NOC3L: variants seen among roughly 807,000 people sequenced by gnomAD.
The protein encoded by NOC3L is nucleolar complex protein 3 homolog.
In NOC3L, 85 loss-of-function variants were observed where a neutral mutation model predicts 102.5. That is an observed-to-expected ratio of 0.83 (90% CI 0.70 to 0.99). The LOEUF is 0.99. Ranked by LOEUF, NOC3L falls within the 50% of genes least tolerant of loss-of-function variation. The pLI is 0.00. For synonymous variants in NOC3L, 303 were observed against 309.4 expected, an observed-to-expected ratio of 0.98 and a Z score of 0.22; for missense variants, 878 against 914.9, an observed-to-expected ratio of 0.96 and a Z score of 0.52.
chr10:94,338,081 A>C (rs1033366497), intron 18 of NOC3L, among the ~76,000 whole-genome samples: 3 of 152,252 alleles, frequency 2.0e-5, no homozygotes, highest in Non-Finnish European at 4.4e-5. Flanking sequence ...GTTACCAGTG[A>C]AGTAGTTTAG....
At chr10:94,331,587 A>C (rs1159022073), downstream of NOC3L, 1 of 152,128 alleles carries the variant, frequency 6.6e-6, no homozygotes, top group Non-Finnish European at 1.5e-5. Flanking sequence ...AAAGTCTCTG[A>C]CCCCTTTTCA....
At chr10:94,324,963 A>T in the NOC3L span, 1 of 1,614,174 alleles carries the variant, frequency 6.2e-7, no homozygotes, top group Non-Finnish European at 8.5e-7. Context: ...AGTCAACTAA[A>T]CAGCCCCGAG....
intron 4 of NOC3L, 55 bp downstream of exon 4, chr10:94,357,119 T>C (rs2054495714): frequency 9.5e-6 from 12 of 1,257,870 alleles, no homozygotes; most frequent in Non-Finnish European, 1.3e-5. Context: ...AAAAAAAACA[T>C]GATATCAGTA....
Position 94,349,278 on chromosome 10 carries a change from T to G in NOC3L, c.1229A>C (p.Lys410Thr). ...GVIKVISGFV[K>T]GRNYEVRPEM... is the part of the protein sequence containing the mutation. ...TGGCCTAACTTCGTAATTTCTGCCC[T>G]TCACAAAACCAGAAATCACTTTAAT... is the stretch of plus-strand genomic sequence containing the variant. The change falls in exon 10 of 21, where the codon AAG (lysine) becomes ACG (threonine). Residue 410 changes from lysine (K) to threonine (T), a missense_variant. Transcript: ENST00000371361. 1 of 1,580,396 alleles carries G rather than the reference T, an allele frequency of 6.3e-7. No homozygotes were observed. Among genetic ancestry groups the G allele is most frequent in the Non-Finnish European group, 8.5e-7 (1 of 1,170,206 alleles).
the NOC3L span, chr10:94,316,519 C>G: frequency 6.7e-7 from 1 of 1,483,438 alleles, no homozygotes; most frequent in Non-Finnish European, 9.4e-7. Context: ...TTGCCTCACT[C>G]CTCAGTTTGC....
At chr10:94,343,820 CTTT>C (rs1376177956) in intron 13 of NOC3L, among the ~76,000 whole-genome samples, 2 of 152,064 alleles carry the variant, frequency 1.3e-5, no homozygotes, top group East Asian at 3.9e-4. Context: ...TCACCTGTTT[CTTT>C]TTATCTTTTT....
chr10:94,359,167 G>A (rs1256080959), intron 2 of NOC3L, among the ~76,000 whole-genome samples: 1 of 152,174 alleles, frequency 6.6e-6, no homozygotes, highest in Non-Finnish European at 1.5e-5. Context: ...GCTCACACCT[G>A]TAATCTTAGC....
At chr10:94,361,523 G>T in intron 2 of NOC3L, 142 bp downstream of exon 2, 1 of 704,350 alleles carries the variant, frequency 1.4e-6, no homozygotes, top group Non-Finnish European at 2.5e-6. Context: ...CTTTATAGCA[G>T]TCCTATAGGA....
intron 2 of NOC3L, 108 bp downstream of exon 2, chr10:94,361,557 A>C (rs2054551068): frequency 9.9e-7 from 1 of 1,009,326 alleles, no homozygotes; most frequent in African/African-American, 1.6e-5. Context: ...CCACTCTAGG[A>C]AGATCTGAGA....
At chr10:94,345,409 G>C (rs547923044) in intron 11 of NOC3L, among the ~76,000 whole-genome samples, 80 of 152,078 alleles carry the variant, frequency 5.3e-4, no homozygotes, top group African/African-American at 1.9e-3. Flanking sequence ...TACATACAAT[G>C]CATAAAACTG....
chr10:94,326,518 G>A, the NOC3L span, among the ~76,000 whole-genome samples: 1 of 152,174 alleles, frequency 6.6e-6, no homozygotes, highest in East Asian at 1.9e-4. Flanking sequence ...CTTCTGTAAT[G>A]AGGTGAAATT....
intron 18 of NOC3L, 56 bp from the exon 19 acceptor site, chr10:94,337,930 A>G (rs1589564510): frequency 7.8e-7 from 1 of 1,279,472 alleles, no homozygotes; most frequent in East Asian, 2.3e-5. Context: ...TACAAAAAAC[A>G]CTAGCCACAG....
At chr10:94,352,750 A>G (rs2054434962) in intron 7 of NOC3L, 146 bp downstream of exon 7, 2 of 669,374 alleles carry the variant, frequency 3.0e-6, no homozygotes, top group South Asian at 3.7e-5. Flanking sequence ...TGAACCCGGA[A>G]GGCAGAGGTT....
chr10:94,337,693 G>T, intron 19 of NOC3L, 84 bp downstream of exon 19: 1 of 870,708 alleles, frequency 1.1e-6, no homozygotes, highest in Non-Finnish European at 1.9e-6. Flanking sequence ...TTTGTAGTAT[G>T]TTACTTTATG....
At chr10:94,335,245 T>C (rs1048540644) in intron 19 of NOC3L, among the ~76,000 whole-genome samples, 2 of 152,080 alleles carry the variant, frequency 1.3e-5, no homozygotes, top group African/African-American at 2.4e-5. Context: ...CCTACGAAGG[T>C]AGCAATTAGG....
the NOC3L span, chr10:94,324,618 A>G: frequency 7.3e-7 from 1 of 1,374,042 alleles, no homozygotes; most frequent in Non-Finnish European, 1.0e-6. Flanking sequence ...GATACCCATA[A>G]TTACACTGTA....
intron 5 of NOC3L, 115 bp downstream of exon 5, chr10:94,356,420 G>A (rs567048673): frequency 2.9e-6 from 2 of 683,076 alleles, no homozygotes; most frequent in Non-Finnish European, 5.2e-6. Flanking sequence ...AAGTGACCTT[G>A]AAATGAGCAG....
chr10:94,342,953 C>T (rs910965506), intron 13 of NOC3L, among the ~76,000 whole-genome samples: 11 of 151,928 alleles, frequency 7.2e-5, no homozygotes, highest in African/African-American at 2.7e-4. Flanking sequence ...GGTGTGATGG[C>T]ACATGCCTGT....
chr10:94,315,753 G>A, the NOC3L span, among the ~76,000 whole-genome samples: 4 of 129,480 alleles, frequency 3.1e-5, no homozygotes, highest in Non-Finnish European at 6.3e-5. Flanking sequence ...CTGGGCGACA[G>A]AGGGAGACTC....
Sources: allele counts gnomAD v4.1 joint callset (sites outside exome capture counted in the v4.1 genomes callset), GRCh38; gene constraint gnomAD v4.1.1; transcripts MANE v1.5; gene names NCBI Gene and HGNC (gene_info 2026-07-23, HGNC 2026-07-21).